NCOA6: variants seen among roughly 807,000 people sequenced by gnomAD.
NCOA6 encodes nuclear receptor coactivator 6.
A neutral mutation model predicts 171.4 loss-of-function variants in NCOA6; 49 were observed. That is an observed-to-expected ratio of 0.29 (90% CI 0.23 to 0.36). The LOEUF (loss-of-function observed/expected upper bound fraction) is 0.36. Ranked by LOEUF, NCOA6 falls within the 10% of genes least tolerant of loss-of-function variation. The pLI is 1.00. For synonymous variants in NCOA6, 910 were observed against 927.5 expected, an observed-to-expected ratio of 0.98 and a Z score of 0.34; for missense variants, 2,248 against 2,554.5, an observed-to-expected ratio of 0.88 and a Z score of 2.59.
In NCOA6 at chr20:34,740,576, C is replaced by T. The variant is rs377720741; in HGVS notation, c.5680G>A (p.Val1894Met). The T allele has an allele frequency of 6.2e-7, 1 of 1,614,164 alleles. No individual in the cohort carries two copies. The highest frequency in any genetic ancestry group is 1.7e-5 in the Admixed American group (1 of 60,030). Reference protein sequence around the residue: ...PTLLKMTSSPVGPGTASAGPS... With the variant: ...PTLLKMTSSPMGPGTASAGPS... Reference sequence around the variant, plus strand: ...CCTGCTGAGGCAGTGCCCGGGCCCACAGGGCTAGAGGTCATTTTTAGCAGA... The same window carrying T: ...CCTGCTGAGGCAGTGCCCGGGCCCATAGGGCTAGAGGTCATTTTTAGCAGA... Residue 1894 changes from valine to methionine, a missense_variant, in exon 11 of 15, where the codon GTG becomes ATG. Physicochemically the swap from Val to Met is conservative, Grantham distance 21 (BLOSUM62 1). Around this residue, in one of 7 missense-constraint regions of NCOA6, gnomAD observed 884 missense variants for 941.9 expected, o/e 0.94. Transcript: ENST00000359003.
In NCOA6 at chr20:34,742,717, G is replaced by A. The variant is rs748396414; in HGVS notation, c.3539C>T (p.Thr1180Ile). ...GGAATTTACAGGGGGTTGCTGGGGA[G>A]TTGCACCTTGAGTTGCTGAAAGGGG... ...PSPLSATQGA[T>I]PQQPPVNSLP... is the part of the protein sequence containing the mutation. Residue 1180 changes from threonine to isoleucine, a missense_variant, in exon 11 of 15, where the codon ACT becomes ATT. By Grantham distance (89) the Thr-to-Ile change is moderately conservative. Transcript: ENST00000359003. 6.2e-7 allele frequency: 1 copy of A among 1,614,140 alleles called. No homozygotes were observed.
At chr20:34,718,092 G>C (rs1216587145) in intron 14 of NCOA6, among the ~76,000 whole-genome samples, 9 of 152,122 alleles carry the variant, frequency 5.9e-5, no homozygotes. Flanking sequence ...CAAATGACTT[G>C]TGCTAGAAAC....
chr20:34,739,122 C>T (rs896010348), intron 11 of NCOA6, among the ~76,000 whole-genome samples: 1 of 152,102 alleles, frequency 6.6e-6, no homozygotes, highest in Non-Finnish European at 1.5e-5. Context: ...CCTATGCTTC[C>T]ATCATTAGCC....
rs1600810351 is a variant in NCOA6, at chr20:34,741,841, C to A, written c.4415G>T (p.Ser1472Ile). The change falls in exon 11 of 15, where the codon AGT (serine) becomes ATT (isoleucine). Residue 1472 changes from serine to isoleucine, a missense_variant. This residue lies in a region of NCOA6 where 884 missense variants were observed against 941.9 expected (regional missense o/e 0.94). Coordinates refer to ENST00000359003, the MANE Select transcript of NCOA6 (RefSeq NM_014071.5). ...CACCAAATTTTTGTTCTCTTCGACA[C>A]TGGGAAGTTTGTTAGGATCCGAAGG... Reference protein sequence around the residue: ...GQPSDPNKLPSVEENKNLVSP... With the variant: ...GQPSDPNKLPIVEENKNLVSP... 3 of 1,614,192 alleles carry A rather than the reference C, an allele frequency of 1.9e-6. No individual in the cohort carries two copies. In the East Asian group the frequency reaches 6.7e-5, roughly 36 times the overall value.
rs1002425486 is a variant in NCOA6 at position 34,776,337 on chromosome 20, T to C, written c.347A>G (p.Asn116Ser). 6.2e-6 allele frequency: 10 copies of C among 1,613,976 alleles called. No individual in the cohort carries two copies. Among genetic ancestry groups the C allele is most frequent in the Non-Finnish European group, 8.5e-6 (10 of 1,180,058 alleles). ...ERLRILAQSNNQQLRDLGILS... is the reference protein window; with the variant it reads ...ERLRILAQSNSQQLRDLGILS... ...AATCCCTAAATCCCGAAGCTGCTGG[T>C]TGTTGCTCTGAGCAAGGATCCGTAG... Residue 116 changes from asparagine (N) to serine (S), a missense_variant, in exon 4 of 15, where the codon AAC (asparagine) becomes AGC (serine). By Grantham distance (46) the Asn-to-Ser change is conservative. Around this residue, in one of 7 missense-constraint regions of NCOA6, gnomAD observed 987 missense variants for 1,104.7 expected, o/e 0.89. Transcript: ENST00000359003.
chr20:34,758,723 C>A, intron 6 of NCOA6, 82 bp downstream of exon 6: 1 of 1,529,296 alleles, frequency 6.5e-7, no homozygotes, highest in East Asian at 2.3e-5. Flanking sequence ...ATTAGAAATT[C>A]AGCATCAGAG....
At chr20:34,807,137 C>T (rs55753039) in intron 1 of NCOA6, among the ~76,000 whole-genome samples, 50,725 of 152,030 alleles carry the variant, frequency 0.33, 8,976 homozygotes, top group Middle Eastern at 0.42. Context: ...CTTGCTATTC[C>T]TTTCTCAGCT....
chr20:34,813,173 AC>A lies in NCOA6; in HGVS notation c.-164+12298del, dbSNP rs1354391858. 6.3e-3 allele frequency among the ~76,000 whole-genome samples: 955 copies of A among 151,186 alleles called. 12 individuals carry two copies. The highest frequency in any genetic ancestry group is 0.021 in the African/African-American group (881 of 40,984). On this transcript the variant is annotated intron_variant, in intron 1 of 14. Transcript: ENST00000359003. ...AAACACTGTCTCAGAAAAAAAAAAA[AC>A]AAAAAAATAGGCTGGGTGCAGTGGT... is the stretch of plus-strand genomic sequence containing the variant.
chr20:34,790,428 C>T (rs866948207), intron 2 of NCOA6, among the ~76,000 whole-genome samples: 20 of 152,224 alleles, frequency 1.3e-4, no homozygotes, highest in South Asian at 2.1e-4. Flanking sequence ...GACCTCGGCT[C>T]ACTGTAAGCT....
At chr20:34,776,101 C>T (rs138465639) in intron 4 of NCOA6, among the ~76,000 whole-genome samples, 192 bp downstream of exon 4, 1 of 152,368 alleles carries the variant, frequency 6.6e-6, no homozygotes, top group Non-Finnish European at 1.5e-5. Context: ...TAAAGACCAT[C>T]AGGACCCAGC....
intron 14 of NCOA6, among the ~76,000 whole-genome samples, chr20:34,725,955 C>A (rs987967162): frequency 2.6e-5 from 4 of 151,994 alleles, no homozygotes; most frequent in African/African-American, 9.7e-5. Context: ...AGAAGAGGGG[C>A]ATGACTGAGA....
At chr20:34,745,291 C>T (rs1285186743) in intron 10 of NCOA6, among the ~76,000 whole-genome samples, 1 of 152,114 alleles carries the variant, frequency 6.6e-6, no homozygotes, top group Non-Finnish European at 1.5e-5. Flanking sequence ...AACTCAAAAC[C>T]ATTATAGGCC....
At chr20:34,770,654 G>A (rs897366505) in intron 4 of NCOA6, among the ~76,000 whole-genome samples, 4 of 148,422 alleles carry the variant, frequency 2.7e-5, no homozygotes, top group Non-Finnish European at 5.9e-5. Flanking sequence ...TTTTTGAATC[G>A]GAGTGTCTCA....
intron 1 of NCOA6, among the ~76,000 whole-genome samples, chr20:34,816,059 ACTC>A (rs1447619870): frequency 5.9e-5 from 9 of 151,752 alleles, no homozygotes; most frequent in Non-Finnish European, 1.2e-4. Flanking sequence ...CTTCTCCACA[ACTC>A]CTCAACAAAC....
intron 12 of NCOA6, 175 bp from the exon 13 acceptor site, chr20:34,732,770 G>A (rs1434572213): frequency 3.7e-6 from 2 of 533,592 alleles, no homozygotes; most frequent in Non-Finnish European, 6.7e-6. Context: ...TGGTTTGTTT[G>A]GGACATAAGA....
At chr20:34,808,255 C>T (rs2078530155) in intron 1 of NCOA6, among the ~76,000 whole-genome samples, 1 of 152,000 alleles carries the variant, frequency 6.6e-6, no homozygotes, top group Non-Finnish European at 1.5e-5. Flanking sequence ...GAACTCTGCC[C>T]AGCCAGGATT....
chr20:34,751,619 G>A (rs1338574262), intron 8 of NCOA6, among the ~76,000 whole-genome samples: 1 of 151,942 alleles, frequency 6.6e-6, no homozygotes, highest in Admixed American at 6.6e-5. Context: ...GGAGCCAACT[G>A]ACTAGATGAC....
intron 14 of NCOA6, among the ~76,000 whole-genome samples, chr20:34,719,471 A>G (rs1352284207): frequency 1.3e-5 from 2 of 152,212 alleles, no homozygotes; most frequent in African/African-American, 4.8e-5. Context: ...TCTCTTCTAA[A>G]AATACAAAAA....
At chr20:34,784,905 AC>A (rs1406663015) in intron 2 of NCOA6, among the ~76,000 whole-genome samples, 1 of 151,920 alleles carries the variant, frequency 6.6e-6, no homozygotes, top group Admixed American at 6.6e-5. Context: ...ACATGGTGAA[AC>A]CCCGTCTTTA....
Sources: allele counts gnomAD v4.1 joint callset (sites outside exome capture counted in the v4.1 genomes callset), GRCh38; gene constraint gnomAD v4.1.1; regional missense constraint gnomAD v4.1.1; transcripts MANE v1.5; gene names NCBI Gene and HGNC (gene_info 2026-07-23, HGNC 2026-07-21).